TRPM1: variants seen among roughly 807,000 people sequenced by gnomAD.
TRPM1 encodes the protein TRPM1-203 APA Isoform, Intron 10.
A neutral mutation model predicts 149.4 loss-of-function variants in TRPM1; 113 were observed. The observed-to-expected ratio is 0.76, with a 90% CI of 0.65 to 0.88. The LOEUF (loss-of-function observed/expected upper bound fraction) is 0.88. Ranked by LOEUF, TRPM1 falls within the 40% of genes least tolerant of loss-of-function variation. The pLI, the probability that TRPM1 is intolerant of heterozygous loss-of-function variation, is 0.00. For missense variants in TRPM1, 1,976 were observed against 2,038.7 expected (o/e 0.97, Z 0.59); for synonymous variants, 741 against 759.5 (o/e 0.98, Z 0.40).
chr15:31,127,721 G>A (rs889155496), intron 1 of TRPM1, among the ~76,000 whole-genome samples: 3 of 152,152 alleles, frequency 2.0e-5, no homozygotes, highest in Admixed American at 6.5e-5. Flanking sequence ...TTCAAGAGGC[G>A]CTGGGTGGAA....
At chr15:31,047,033 G>T (rs935881430) in intron 15 of TRPM1, 78 bp downstream of exon 15, 4 of 1,597,134 alleles carry the variant, frequency 2.5e-6, no homozygotes, top group African/African-American at 2.7e-5. Flanking sequence ...CTCTGAACCG[G>T]CCAAGTTGTT....
At chr15:31,076,127 C>G (rs899128313) in intron 3 of TRPM1, among the ~76,000 whole-genome samples, 2 of 151,632 alleles carry the variant, frequency 1.3e-5, no homozygotes, top group East Asian at 1.9e-4. Context: ...TTTCTTACCT[C>G]GGGGGGCAAT....
Position 31,031,224 on chromosome 15 carries a change from T to A in TRPM1, c.2953-67A>T. On this transcript the variant is annotated intron_variant, in intron 22 of 27. Coordinates refer to ENST00000256552, the MANE Select transcript of TRPM1 (RefSeq NM_001252024.2). Reference sequence around the variant, plus strand: ...GGGCCAAGTTCACCCTGGCTCATTATATTGCTGTCTCCAATTAAGCACTTC... The same window carrying A: ...GGGCCAAGTTCACCCTGGCTCATTAAATTGCTGTCTCCAATTAAGCACTTC... 26 of 1,565,756 alleles carry A rather than the reference T, an allele frequency of 1.7e-5. No individual in the cohort carries two copies. In the South Asian group the frequency reaches 2.9e-4, roughly 17 times the overall value.
chr15:31,140,423 C>T (rs1438375715), intron 1 of TRPM1, among the ~76,000 whole-genome samples: 1 of 151,916 alleles, frequency 6.6e-6, no homozygotes, highest in African/African-American at 2.4e-5. Flanking sequence ...ATGTGATTAT[C>T]AGTGTTGGAA....
chr15:31,042,133 G>T lies in TRPM1; in HGVS notation c.1905C>A (p.His635Gln). Residue 635 changes from histidine to glutamine, a missense_variant, in exon 17 of 28, where the codon CAC (histidine) becomes CAA (glutamine). His to Gln is a conservative substitution (Grantham distance 24). Coordinates refer to ENST00000256552, the MANE Select transcript of TRPM1 (RefSeq NM_001252024.2). ...TCAGCACTGCCCACACCATCAGCTC[G>T]TGGAAGGGATACTGGAACCGACTCA... ...PAVSRFQYPFHELMVWAVLMK... is the reference protein window; with the variant it reads ...PAVSRFQYPFQELMVWAVLMK... 1 of 1,614,178 alleles carries T rather than the reference G, an allele frequency of 6.2e-7. No individual in the cohort carries two copies. The highest frequency in any genetic ancestry group is 8.5e-7 in the Non-Finnish European group (1 of 1,180,032).
intron 11 of TRPM1, among the ~76,000 whole-genome samples, chr15:31,058,575 A>T (rs2034145238): frequency 6.6e-6 from 1 of 152,254 alleles, no homozygotes; most frequent in Non-Finnish European, 1.5e-5. Flanking sequence ...AGATGTAAGC[A>T]GGACCTCAAT....
chr15:31,063,434 G>A, intron 7 of TRPM1, 142 bp from the exon 8 acceptor site: 2 of 1,050,974 alleles, frequency 1.9e-6, no homozygotes, highest in Non-Finnish European at 2.9e-6. Flanking sequence ...TCAGGCATGT[G>A]ATAACAATTT....
At chr15:31,080,648 C>T (rs1168898391) in intron 2 of TRPM1, among the ~76,000 whole-genome samples, 1 of 120,428 alleles carries the variant, frequency 8.3e-6, no homozygotes, top group Non-Finnish European at 1.8e-5. Flanking sequence ...CCATCGTCCT[C>T]GACCCCGCCC....
intron 27 of TRPM1, among the ~76,000 whole-genome samples, chr15:31,010,004 A>C (rs914274701): frequency 6.6e-6 from 1 of 152,188 alleles, no homozygotes; most frequent in African/African-American, 2.4e-5. Context: ...AGATAATTTC[A>C]ACATCTGTGT....
chr15:31,027,868 G>C (rs1054862038), intron 25 of TRPM1, among the ~76,000 whole-genome samples: 8 of 152,016 alleles, frequency 5.3e-5, no homozygotes, highest in African/African-American at 7.3e-5. Context: ...TAAGAAACTC[G>C]ATTTAACCCT....
intron 1 of TRPM1, among the ~76,000 whole-genome samples, chr15:31,129,986 C>T (rs1357500229): frequency 1.3e-5 from 2 of 152,232 alleles, no homozygotes; most frequent in Non-Finnish European, 2.9e-5. Flanking sequence ...TCCACTTCCT[C>T]CATGTCCTGG....
chr15:31,105,551 A>G (rs1460882757), upstream of TRPM1, among the ~76,000 whole-genome samples: 1 of 152,198 alleles, frequency 6.6e-6, no homozygotes, highest in Non-Finnish European at 1.5e-5. Context: ...GAGGGATTTT[A>G]CTTAACTTCC....
intron 3 of TRPM1, among the ~76,000 whole-genome samples, chr15:31,074,130 G>A (rs1340648217): frequency 6.6e-6 from 1 of 152,012 alleles, no homozygotes; most frequent in African/African-American, 2.4e-5. Context: ...CTGCACCCAT[G>A]TTCATAATAG....
intron 1 of TRPM1, among the ~76,000 whole-genome samples, chr15:31,148,264 C>A (rs1055340281): frequency 1.3e-5 from 2 of 152,192 alleles, no homozygotes; most frequent in Admixed American, 1.3e-4. Flanking sequence ...GGTGCGAGGA[C>A]AGCAGGACCC....
intron 1 of TRPM1, among the ~76,000 whole-genome samples, chr15:31,139,592 T>C (rs1471851929): frequency 2.6e-5 from 4 of 152,198 alleles, no homozygotes; most frequent in African/African-American, 9.6e-5. Context: ...AAAAAGAAAC[T>C]AACCTCAATG....
At position 31,040,513 on chromosome 15, in the gene TRPM1, G is replaced by T. The variant is rs940902212; in HGVS notation, c.2088-167C>A. On this transcript the variant is annotated intron_variant, in intron 17 of 27. Coordinates refer to ENST00000256552, the MANE Select transcript of TRPM1 (RefSeq NM_001252024.2). The surrounding 1 kb of genome is among the most constrained non-coding windows in gnomAD (Gnocchi z 4.2). ...AAGCTCCAGGGATGTGTCCCCAAAG[G>T]GGGAAGGCCAGGGACAGTGGCTGGG... Among the ~76,000 whole-genome samples the T allele has an allele frequency of 6.6e-6, 1 of 152,200 alleles. No homozygotes were observed. The highest frequency in any genetic ancestry group is 1.5e-5 in the Non-Finnish European group (1 of 68,038).
Position 31,066,102 on chromosome 15 carries a change from T to G in TRPM1, c.764A>C (p.His255Pro), listed in dbSNP as rs1297125160. The G allele has an allele frequency of 1.2e-6, 2 of 1,614,166 alleles. No individual in the cohort carries two copies. Among genetic ancestry groups the G allele is most frequent in the Non-Finnish European group, 1.7e-6 (2 of 1,179,986 alleles). ...TGTGTTGATCTTCTGCAGGGAGATG[T>G]GCTTTTCCAGCAGCCTTCGCAGCTT... ...EVKLRRLLEKHISLQKINTRL... is the reference protein window; with the variant it reads ...EVKLRRLLEKPISLQKINTRL... Residue 255 changes from histidine (H) to proline (P), a missense_variant, in exon 7 of 28, where the codon CAC (histidine) becomes CCC (proline). Transcript: ENST00000256552.
chr15:31,049,564 G>T (rs907932136), intron 12 of TRPM1, 55 bp from the exon 13 acceptor site: 25 of 1,605,524 alleles, frequency 1.6e-5, no homozygotes, highest in Non-Finnish European at 2.0e-5. Flanking sequence ...ACACAGGGGA[G>T]GGGGGCGACT....
chr15:31,151,249 G>T (rs954257631), intron 1 of TRPM1, among the ~76,000 whole-genome samples: 21 of 152,164 alleles, frequency 1.4e-4, no homozygotes, highest in African/African-American at 5.1e-4. Context: ...TCTGGTGAGG[G>T]TTGAAGCAGG....
Sources: allele counts gnomAD v4.1 joint callset (sites outside exome capture counted in the v4.1 genomes callset), GRCh38; gene constraint gnomAD v4.1.1; non-coding constraint Gnocchi (gnomAD v3.1); transcripts MANE v1.5; gene names NCBI Gene and HGNC (gene_info 2026-07-23, HGNC 2026-07-21).